Variants in IPO11 observed in about 807,000 individuals in gnomAD.
IPO11 encodes the protein importin-11.
A neutral mutation model predicts 143.2 loss-of-function variants in IPO11; 66 were observed. That is an observed-to-expected ratio of 0.46 (90% CI 0.38 to 0.57). The LOEUF (loss-of-function observed/expected upper bound fraction) is 0.57, where lower values mean the gene tolerates loss of function less well. Among genes scored for constraint, IPO11 ranks in the 20% least tolerant of loss-of-function variants. The probability of loss-of-function intolerance (pLI) is 0.00; values close to 1 mark genes in which losing one functional copy is unlikely to be tolerated. For missense variants in IPO11, 1,026 were observed against 1,141.0 expected (o/e 0.90, Z 1.45); for synonymous variants, 385 against 377.8 (o/e 1.02, Z -0.22).
At chr5:62,505,803 A>C (rs1741536158) in intron 18 of IPO11, among the ~76,000 whole-genome samples, 1 of 152,124 alleles carries the variant, frequency 6.6e-6, no homozygotes, top group Non-Finnish European at 1.5e-5. Context: ...GGGTTACATC[A>C]GATAGCTAGT....
chr5:62,593,758 T>C (rs1459435110), intron 28 of IPO11, among the ~76,000 whole-genome samples: 2 of 152,202 alleles, frequency 1.3e-5, no homozygotes, highest in African/African-American at 4.8e-5. Flanking sequence ...CTTTTTATTC[T>C]GGGGTGGTAC....
intron 3 of IPO11, among the ~76,000 whole-genome samples, chr5:62,444,824 G>A (rs930087710): frequency 6.6e-6 from 1 of 151,810 alleles, no homozygotes; most frequent in African/African-American, 2.4e-5. Context: ...AGCCAAGAAC[G>A]TGCCACTGCA....
chr5:62,515,511 T>C lies in IPO11; in HGVS notation c.1896+10T>C. 6.5e-7 allele frequency: 1 copy of C among 1,541,830 alleles called. No individual in the cohort carries two copies. Among genetic ancestry groups the C allele is most frequent in the Non-Finnish European group, 8.8e-7 (1 of 1,135,506 alleles). Reference sequence around the variant, plus strand: ...TATTCATCTTGTTCAGGTAAGTCACTTCTCCACAGAGTTTTTTTAGTTTAG... The same window carrying C: ...TATTCATCTTGTTCAGGTAAGTCACCTCTCCACAGAGTTTTTTTAGTTTAG... On this transcript the variant is annotated intron_variant, in intron 20 of 29. Coordinates refer to ENST00000325324, the MANE Select transcript of IPO11 (RefSeq NM_016338.5).
At chr5:62,504,571 G>A (rs539774603) in intron 16 of IPO11, 96 bp from the exon 17 acceptor site, 3 of 695,466 alleles carry the variant, frequency 4.3e-6, no homozygotes, top group East Asian at 2.9e-5. Context: ...AATAATAAGA[G>A]TACAGAAAGT....
chr5:62,616,096 AGAG>A (rs1323055331), intron 29 of IPO11, among the ~76,000 whole-genome samples: 1 of 152,028 alleles, frequency 6.6e-6, no homozygotes, highest in African/African-American at 2.4e-5. Flanking sequence ...TGCAGAACAG[AGAG>A]GAGGAGGAGC....
intron 28 of IPO11, among the ~76,000 whole-genome samples, chr5:62,596,268 C>A (rs375703978): frequency 9.8e-3 from 931 of 95,440 alleles, no homozygotes; most frequent in South Asian, 0.011. Context: ...GGCCCTGTCT[C>A]AAAAAAAAAA....
At chr5:62,446,819 A>G (rs1744735247) in intron 3 of IPO11, among the ~76,000 whole-genome samples, 1 of 152,062 alleles carries the variant, frequency 6.6e-6, no homozygotes, top group Non-Finnish European at 1.5e-5. Context: ...AAATACAAAA[A>G]CTAGCTGGAC....
intron 24 of IPO11, among the ~76,000 whole-genome samples, chr5:62,550,113 A>G (rs1016606711): frequency 1.3e-5 from 2 of 152,210 alleles, no homozygotes; most frequent in Non-Finnish European, 2.9e-5. Flanking sequence ...TGTTATTACA[A>G]TGTGATTAAA....
At chr5:62,562,642 C>T (rs1239603234) in intron 27 of IPO11, among the ~76,000 whole-genome samples, 1 of 152,130 alleles carries the variant, frequency 6.6e-6, no homozygotes, top group African/African-American at 2.4e-5. Context: ...TGGGCTGGTA[C>T]CAGTCCATGG....
chr5:62,551,524 A>G (rs1362036574), intron 26 of IPO11, among the ~76,000 whole-genome samples, 188 bp downstream of exon 26: 1 of 152,178 alleles, frequency 6.6e-6, no homozygotes, highest in Admixed American at 6.5e-5. Context: ...CTTGAAACTT[A>G]TACATTTTTG....
chr5:62,601,724 C>T, intron 28 of IPO11, 40 bp from the exon 29 acceptor site: 1 of 1,098,630 alleles, frequency 9.1e-7, no homozygotes, highest in Non-Finnish European at 1.3e-6. Context: ...GTATTATAGA[C>T]ATTTTTATTT....
chr5:62,571,992 A>G (rs549949926), intron 27 of IPO11, among the ~76,000 whole-genome samples: 130 of 152,188 alleles, frequency 8.5e-4, no homozygotes, highest in African/African-American at 2.9e-3. Context: ...GGCCTTATTA[A>G]ACCTTTTAAA....
intron 27 of IPO11, among the ~76,000 whole-genome samples, chr5:62,578,523 T>C (rs558039634): frequency 1.3e-5 from 2 of 152,184 alleles, no homozygotes; most frequent in East Asian, 3.9e-4. Context: ...TTGATTGATA[T>C]TTGGGTTCTG....
At chr5:62,427,104 A>AT (rs946708336) in intron 1 of IPO11, among the ~76,000 whole-genome samples, 27 of 151,116 alleles carry the variant, frequency 1.8e-4, no homozygotes, top group African/African-American at 6.3e-4. Flanking sequence ...CACCTGGCTC[A>AT]TTTTTTTGTA....
intron 27 of IPO11, chr5:62,579,935 A>G (rs1561371473): frequency 2.1e-5 from 32 of 1,551,196 alleles, no homozygotes; most frequent in Non-Finnish European, 2.7e-5. Flanking sequence ...CTACAAAGGA[A>G]TCGCCTCACT....
intron 26 of IPO11, among the ~76,000 whole-genome samples, chr5:62,557,405 A>G (rs995839201): frequency 3.3e-5 from 5 of 151,270 alleles, no homozygotes; most frequent in African/African-American, 1.2e-4. Flanking sequence ...CTGGTCTTGA[A>G]CTCCCGACTT....
At chr5:62,413,893 A>T (rs943062904) in intron 1 of IPO11, among the ~76,000 whole-genome samples, 2 of 152,256 alleles carry the variant, frequency 1.3e-5, no homozygotes, top group East Asian at 3.8e-4. Context: ...CATGACACAT[A>T]TTACATCTTT....
At chr5:62,418,090 G>T (rs1471929646) in intron 1 of IPO11, among the ~76,000 whole-genome samples, 9 of 151,840 alleles carry the variant, frequency 5.9e-5, no homozygotes, top group Admixed American at 3.9e-4. Context: ...TCCCAAGTTC[G>T]AGTGATTCTC....
intron 1 of IPO11, among the ~76,000 whole-genome samples, chr5:62,414,696 C>T (rs559657578): frequency 1.3e-5 from 2 of 152,278 alleles, no homozygotes; most frequent in South Asian, 4.1e-4. Context: ...AATGCATGAT[C>T]TCAGGCTCAA....
Sources: gnomAD v4.1 joint callset for allele counts (sites outside exome capture counted in the v4.1 genomes callset) on GRCh38, gnomAD v4.1.1 for gene constraint, MANE v1.5 for transcripts, NCBI Gene and HGNC (gene_info 2026-07-23, HGNC 2026-07-21) for gene names.